The following PCNX2 variants were observed in gnomAD, a reference collection of about 807,000 sequenced individuals.
PCNX2 encodes the protein pecanex 2.
Under a neutral mutation model 223.8 loss-of-function variants are expected in PCNX2, and 168 were observed. The ratio of observed to expected loss-of-function variants is 0.75; its 90% CI spans 0.66 to 0.85. The LOEUF (loss-of-function observed/expected upper bound fraction) is 0.85. Among genes scored for constraint, PCNX2 ranks in the 40% least tolerant of loss-of-function variants. PCNX2 has a pLI of 0.00. For synonymous variants in PCNX2, 1,006 were observed against 1,052.6 expected (o/e 0.96, Z 0.86); for missense variants, 2,507 against 2,675.5 (o/e 0.94, Z 1.39).
At position 233,044,000 on chromosome 1, in the gene PCNX2, T is replaced by C. The variant is rs200880517; in HGVS notation, c.4351+10268A>G. ...ATCCCCACACTGACTTCCACAAGGG[T>C]TGAACTAGTTTACAGTCCCACCAAC... On this transcript the variant is annotated intron_variant, in intron 25 of 33. Coordinates refer to ENST00000258229, the MANE Select transcript of PCNX2 (RefSeq NM_014801.4). 3.7e-3 allele frequency among the ~76,000 whole-genome samples: 556 copies of C among 151,704 alleles called. 6 individuals are homozygous for C. The highest frequency in any genetic ancestry group is 0.034 in the East Asian group (172 of 5,094).
intron 10 of PCNX2, among the ~76,000 whole-genome samples, chr1:233,225,105 T>TAA (rs1657619767): frequency 4.1e-5 from 1 of 24,560 alleles, no homozygotes; most frequent in Admixed American, 5.9e-4. Flanking sequence ...ATCCCAGAAC[T>TAA]AAAGTAAAAA....
intron 28 of PCNX2, among the ~76,000 whole-genome samples, chr1:233,009,433 TA>T (rs1670391385): frequency 6.6e-6 from 1 of 152,196 alleles, no homozygotes; most frequent in African/African-American, 2.4e-5. Flanking sequence ...TTGCTTCAAA[TA>T]AATCATAAGT....
chr1:233,261,850 G>A (rs1244816810), intron 3 of PCNX2, among the ~76,000 whole-genome samples, 195 bp downstream of exon 3: 2 of 152,190 alleles, frequency 1.3e-5, no homozygotes, highest in African/African-American at 2.4e-5. Flanking sequence ...TTGAACACAC[G>A]ACTGGGCATT....
At chr1:233,140,986 G>A (rs1677072925) in intron 19 of PCNX2, among the ~76,000 whole-genome samples, 1 of 152,052 alleles carries the variant, frequency 6.6e-6, no homozygotes. Context: ...AAGCTGCAAG[G>A]TGCCAGGCAA....
intron 8 of PCNX2, chr1:233,241,230 G>A (rs1217727618): frequency 1.0e-6 from 1 of 985,320 alleles, no homozygotes; most frequent in Non-Finnish European, 1.2e-6. Context: ...CAACACCGTG[G>A]AAGTGAGGCA....
rs777187468 is a variant in PCNX2 at position 233,258,653 on chromosome 1, C to G, written c.1209G>C (p.Lys403Asn). The G allele has an allele frequency of 1.2e-6, 2 of 1,613,982 alleles. No homozygotes were observed. The highest frequency in any genetic ancestry group is 3.3e-5 in the Admixed American group (2 of 60,018). Residue 403 changes from lysine to asparagine, a missense_variant, in exon 5 of 34, where the codon AAG becomes AAC. Transcript: ENST00000258229. ...GCTCAGCGTCAGACTTTACACTGGTCTTCTCTGTGCCAACCACCCTCAGGT... is the reference window on the plus strand; with the variant it reads ...GCTCAGCGTCAGACTTTACACTGGTGTTCTCTGTGCCAACCACCCTCAGGT... The part of the protein sequence containing the change: ...SLHLRVVGTE[K>N]TSVKSDAEPT...
chr1:233,303,913 G>A, the PCNX2 span, among the ~76,000 whole-genome samples: 226 of 152,204 alleles, frequency 1.5e-3, no homozygotes, highest in Non-Finnish European at 2.7e-3. Flanking sequence ...ATATAGTTGG[G>A]ATACAGTTTT....
At position 233,016,921 on chromosome 1, in the gene PCNX2, C is replaced by T. The variant is rs1670687683; in HGVS notation, c.4839G>A (p.Glu1613=). 2.5e-6 allele frequency: 4 copies of T among 1,596,580 alleles called. No individual in the cohort carries two copies. Among genetic ancestry groups the T allele is most frequent in the Admixed American group, 1.7e-5 (1 of 59,798 alleles). The change falls in exon 27 of 34, where the codon GAG becomes GAA. Residue 1613 remains glutamate (E), a splice_region_variant and synonymous_variant. Coordinates refer to ENST00000258229, the MANE Select transcript of PCNX2 (RefSeq NM_014801.4). ...WIQHCARKRQ[E]PSTTLDSDED... Reference sequence around the variant, plus strand: ...CTCAGCCCCCACCTCCCTGACCTACCTCTTGTCTTTTCCGTGCACAGTGTT... The same window carrying T: ...CTCAGCCCCCACCTCCCTGACCTACTTCTTGTCTTTTCCGTGCACAGTGTT...
At chr1:232,996,871 AG>A (rs1183461400) in intron 32 of PCNX2, among the ~76,000 whole-genome samples, 1 of 152,256 alleles carries the variant, frequency 6.6e-6, no homozygotes, top group African/African-American at 2.4e-5. Context: ...AGATAGGACT[AG>A]GAGTCCTCCA....
intron 26 of PCNX2, 118 bp from the exon 27 acceptor site, chr1:233,017,272 G>C (rs532072416): frequency 1.6e-6 from 1 of 621,622 alleles, no homozygotes; most frequent in Non-Finnish European, 2.5e-6. Context: ...ATGTTCTGCT[G>C]GGTGTAATGC....
At position 233,258,239 on chromosome 1, in the gene PCNX2, C is replaced by A; in HGVS notation, c.1623G>T (p.Leu541Phe). 6.2e-7 allele frequency: 1 copy of A among 1,613,968 alleles called. No individual in the cohort carries two copies. Among genetic ancestry groups the A allele is most frequent in the Non-Finnish European group, 8.5e-7 (1 of 1,179,894 alleles). Reference sequence around the variant, plus strand: ...TAACAATTTCTGCAGAACTTTTACTCAAGAAGACATCTGTCCCACTGTCCA... The same window carrying A: ...TAACAATTTCTGCAGAACTTTTACTAAAGAAGACATCTGTCCCACTGTCCA... ...LSVDSGTDVF[L>F]SKSSAEIVND... The change falls in exon 5 of 34, where the codon TTG becomes TTT. Residue 541 changes from leucine (L) to phenylalanine (F), a missense_variant. This residue lies in a region of PCNX2 where 1,031 missense variants were observed against 1,021.7 expected (regional missense o/e 1.01). Transcript: ENST00000258229.
At chr1:233,141,823 T>C (rs6683368) in intron 19 of PCNX2, among the ~76,000 whole-genome samples, 97,440 of 151,376 alleles carry the variant, frequency 0.64, 33,425 homozygotes, top group African/African-American at 0.89. Flanking sequence ...ACTTGGCATT[T>C]AGAAATCTTA....
Position 233,126,519 on chromosome 1 carries a change from G to C in PCNX2, c.3837+8494C>G, listed in dbSNP as rs200107607. Among the ~76,000 whole-genome samples the C allele has an allele frequency of 8.2e-6, 1 of 121,258 alleles. No homozygotes were observed. The highest frequency in any genetic ancestry group is 1.8e-5 in the Non-Finnish European group (1 of 56,436). 79.5% of individuals were successfully genotyped at this position (121,258 alleles called of 152,430 possible). ...ATTTGTGTGGTGTGTGTGTGTGTTT[G>C]TGTGTGTGTGTGTGTGTGTAAATAT... On this transcript the variant is annotated intron_variant, in intron 21 of 33. Coordinates refer to ENST00000258229, the MANE Select transcript of PCNX2 (RefSeq NM_014801.4). The surrounding 1 kb of genome is among the most constrained non-coding windows in gnomAD (Gnocchi z 4.8).
rs547211712 is a variant in PCNX2, at chr1:233,253,329, T to TTTTG, written c.1835-545_1835-542dup. Among the ~76,000 whole-genome samples, 3 of 152,108 alleles carry TTTTG rather than the reference T, an allele frequency of 2.0e-5. No individual in the cohort carries two copies. Among genetic ancestry groups the TTTTG allele is most frequent in the African/African-American group, 7.2e-5 (3 of 41,498 alleles). ...AAGTATAGCTGGGGGCGGGGGTTGT[T>TTTTG]TTTGTTTGTTTGTTTGTTTGAGACA... On this transcript the variant is annotated intron_variant, in intron 5 of 33. Transcript: ENST00000258229. This position sits in a 1 kb window ranked among gnomAD's most constrained non-coding sequence, Gnocchi z 4.2.
intron 23 of PCNX2, among the ~76,000 whole-genome samples, chr1:233,083,573 C>A (rs1000347079): frequency 6.6e-6 from 1 of 152,204 alleles, no homozygotes; most frequent in Admixed American, 6.5e-5. Context: ...ATATTACAAA[C>A]CAACAAGGCG....
intron 21 of PCNX2, chr1:233,112,963 C>A (rs1226186021): frequency 7.8e-7 from 1 of 1,289,254 alleles, no homozygotes; most frequent in South Asian, 1.2e-5. Context: ...GTGTGGGTGC[C>A]GTCCTAGGGA....
chr1:233,021,845 T>C (rs1670900167), intron 26 of PCNX2, among the ~76,000 whole-genome samples: 4 of 152,178 alleles, frequency 2.6e-5, no homozygotes, highest in Admixed American at 2.0e-4. Context: ...AATGGCAAAT[T>C]GTCATCTTAG....
intron 28 of PCNX2, among the ~76,000 whole-genome samples, chr1:233,010,372 C>T (rs1382149711): frequency 6.6e-6 from 1 of 152,242 alleles, no homozygotes; most frequent in Non-Finnish European, 1.5e-5. Flanking sequence ...CTCCCTATCA[C>T]TTTTCAAGAT....
intron 10 of PCNX2, among the ~76,000 whole-genome samples, chr1:233,221,073 G>A (rs1657346977): frequency 6.6e-6 from 1 of 152,198 alleles, no homozygotes; most frequent in African/African-American, 2.4e-5. Context: ...AAAACAATGG[G>A]TGATTTGGTT....
Sources: allele counts gnomAD v4.1 joint callset (sites outside exome capture counted in the v4.1 genomes callset), GRCh38; gene constraint gnomAD v4.1.1; regional missense constraint gnomAD v4.1.1; non-coding constraint Gnocchi (gnomAD v3.1); transcripts MANE v1.5; gene names NCBI Gene and HGNC (gene_info 2026-07-23, HGNC 2026-07-21).